The following DVL1 variants were observed in gnomAD, a reference collection of about 807,000 sequenced individuals.
The protein encoded by DVL1 is dishevelled segment polarity protein 1, also known as segment polarity protein dishevelled homolog DVL-1.
In DVL1, 49 loss-of-function variants were observed where a neutral mutation model predicts 65.0. The ratio of observed to expected loss-of-function variants is 0.75; its 90% CI spans 0.60 to 0.96. The LOEUF (loss-of-function observed/expected upper bound fraction) is 0.96. DVL1 is among the 40% of genes least tolerant of loss of function. The pLI is 0.00. For synonymous variants in DVL1, 608 were observed against 433.9 expected (o/e 1.40, Z -4.99); for missense variants, 1,197 against 1,045.4 (o/e 1.15, Z -2.00).
rs1643977156 is a variant in DVL1, at chr1:1,349,186, C to G, written c.-121G>C. ...CGCACCGCTCTCGGCCCCGACGCTC[C>G]GAGGCCCCCGGGCGCCCCCGCCCGA... On this transcript the variant is annotated 5_prime_UTR_variant, in exon 1 of 15. Coordinates refer to ENST00000378888, the MANE Select transcript of DVL1 (RefSeq NM_001330311.2). This position sits in a 1 kb window ranked among gnomAD's most constrained non-coding sequence, Gnocchi z 4.1. The G allele has an allele frequency of 6.8e-6, 4 of 585,164 alleles. No homozygotes were observed. The highest frequency in any genetic ancestry group is 7.1e-5 in the South Asian group (1 of 13,996). 36.2% of individuals were successfully genotyped at this position (585,164 alleles called of 1,614,324 possible).
intron 1 of DVL1, among the ~76,000 whole-genome samples, chr1:1,347,858 T>C (rs1643941712): frequency 6.6e-6 from 1 of 152,060 alleles, no homozygotes; most frequent in African/African-American, 2.4e-5. Flanking sequence ...CTTTGCCTGG[T>C]CGTGGGGGTG....
chr1:1,340,499 T>G lies in DVL1; in HGVS notation c.610A>C (p.Ser204Arg). ...GAGGTGCTCTGCTCCGTGGAGCTGC[T>G]GAGCCTGGGAACAGACTGTCAGAGC... is the stretch of plus-strand genomic sequence containing the variant. ...SDEDGSTSRL[S>R]SSTEQSTSSR... is the part of the protein sequence containing the mutation. Residue 204 changes from serine (S) to arginine (R), a missense_variant, in exon 6 of 15, where the codon AGC becomes CGC. By Grantham distance (110) the Ser-to-Arg change is moderately radical. Transcript: ENST00000378888. The G allele has an allele frequency of 1.2e-6, 2 of 1,602,746 alleles. No homozygotes were observed. The highest frequency in any genetic ancestry group is 2.2e-5 in the South Asian group (2 of 89,318).
rs1381506950 is a variant in DVL1 at position 1,337,173 on chromosome 1, C to T, written c.1715-658G>A. 1.1e-5 allele frequency: 9 copies of T among 850,316 alleles called. No homozygotes were observed. In the South Asian group the frequency reaches 2.1e-4, roughly 20 times the overall value. 52.7% of individuals were successfully genotyped at this position (850,316 alleles called of 1,614,324 possible). A position where few individuals can be genotyped will look rare whatever the true frequency, so the allele number is the denominator to read the frequency against. ...GCGGGCTGGGCGGGGCTGAAGTGGG[C>T]GCAAGCGCCGGTCGAGGGTCAGTAG... On this transcript the variant is annotated intron_variant, in intron 14 of 14. Coordinates refer to ENST00000378888, the MANE Select transcript of DVL1 (RefSeq NM_001330311.2).
Position 1,338,102 on chromosome 1 carries a change from G to C in DVL1, c.1589C>G (p.Ala530Gly), listed in dbSNP as rs1179809614. The change falls in exon 14 of 15, where the codon GCC (alanine) becomes GGC (glycine). Residue 530 changes from alanine (A) to glycine (G), a missense_variant. Transcript: ENST00000378888. ...DTLAPLPHPA[A>G]PWPLGQGYPY... is the part of the protein sequence containing the mutation. ...GTAGCCCTGACCCAGAGGCCAGGGGGCAGCCGGGTGGGGCAGCGGGGCCAG... is the reference window on the plus strand; with the variant it reads ...GTAGCCCTGACCCAGAGGCCAGGGGCCAGCCGGGTGGGGCAGCGGGGCCAG... 4 of 1,609,884 alleles carry C rather than the reference G, an allele frequency of 2.5e-6. No homozygotes were observed. The highest frequency in any genetic ancestry group is 3.4e-6 in the Non-Finnish European group (4 of 1,178,826).
chr1:1,345,533 G>A (rs891354284), intron 1 of DVL1, among the ~76,000 whole-genome samples: 45 of 152,280 alleles, frequency 3.0e-4, no homozygotes, highest in African/African-American at 8.7e-4. Flanking sequence ...TGAAACTCAC[G>A]GCAGCTGCCA....
chr1:1,347,293 T>C (rs967176026), intron 1 of DVL1, among the ~76,000 whole-genome samples: 1 of 152,136 alleles, frequency 6.6e-6, no homozygotes, highest in Non-Finnish European at 1.5e-5. Context: ...GTCTCTTTCC[T>C]GGCCGCATCC....
rs149806644 is a variant in DVL1 at position 1,341,740 on chromosome 1, C to T, written c.532G>A (p.Ala178Thr). ...AGCTCGCTGCTGAGGGCGGTGGACG[C>T]GCTGTCTGGGGGCAGCCCCACATCC... ...RRDVGLPPDS[A>T]STALSSELES... Residue 178 changes from alanine (A) to threonine (T), a missense_variant, in exon 5 of 15, where the codon GCG becomes ACG. Coordinates refer to ENST00000378888, the MANE Select transcript of DVL1 (RefSeq NM_001330311.2). 355 of 1,610,266 alleles carry T rather than the reference C, an allele frequency of 2.2e-4. No individual in the cohort carries two copies. Among genetic ancestry groups the T allele is most frequent in the African/African-American group, 2.1e-3 (155 of 75,056 alleles).
chr1:1,336,559 G>A, intron 14 of DVL1, 44 bp from the exon 15 acceptor site: 1 of 1,480,872 alleles, frequency 6.8e-7, no homozygotes, highest in Non-Finnish European at 8.9e-7. Flanking sequence ...TCAGCACCAG[G>A]CCCGGCCACG....
rs1483759672 is a variant in DVL1, at chr1:1,340,872, G to A, written c.606-369C>T. On this transcript the variant is annotated intron_variant, in intron 5 of 14. Transcript: ENST00000378888. ...CTGCACACATGCACCCCTGCGCACA[G>A]GCACACATGCACACCCCTGCACACG... Among the ~76,000 whole-genome samples the A allele has an allele frequency of 3.4e-5, 4 of 116,894 alleles. No homozygotes were observed. The Admixed American group carries it at 3.7e-4, about 11-fold the overall frequency. The allele number at this position is 116,894 out of a possible 152,430, so 76.7% of individuals were successfully genotyped here.
chr1:1,340,741 C>T (rs1203751607), intron 5 of DVL1, among the ~76,000 whole-genome samples: 1 of 151,042 alleles, frequency 6.6e-6, no homozygotes, highest in African/African-American at 2.5e-5. Context: ...ACTACTGACA[C>T]ACCTGCACAC....
chr1:1,341,614 G>T (rs1369032791), intron 5 of DVL1, 53 bp downstream of exon 5: 1 of 1,557,210 alleles, frequency 6.4e-7, no homozygotes, highest in East Asian at 2.3e-5. Context: ...ATCATGTACA[G>T]ACATTTGCAA....
At position 1,340,365 on chromosome 1, in the gene DVL1, T is replaced by A. The variant is rs760892391; in HGVS notation, c.699+45A>T. 33 of 1,613,174 alleles carry A rather than the reference T, an allele frequency of 2.0e-5. No individual in the cohort carries two copies. In the South Asian group the frequency reaches 3.2e-4, roughly 16 times the overall value. On this transcript the variant is annotated intron_variant, in intron 6 of 14. Transcript: ENST00000378888. The stretch of plus-strand genomic sequence containing the variant: ...TAAAAGGCACGGGGCTGCCCGACAC[T>A]GACTTCGCCTCCCCAGCCCCGCCCT...
Position 1,336,473 on chromosome 1 carries a change from G to A in DVL1, c.1757C>T (p.Pro586Leu), listed in dbSNP as rs113005319. The part of the protein sequence containing the change: ...SGSTRSSRRA[P>L]GREKERRAAG... Reference sequence around the variant, plus strand: ...CGCCCGACGCTCCTTCTCACGGCCCGGGGCCCGGCGGCTGCTCCGGGTGGA... The same window carrying A: ...CGCCCGACGCTCCTTCTCACGGCCCAGGGCCCGGCGGCTGCTCCGGGTGGA... Residue 586 changes from proline to leucine, a missense_variant, in exon 15 of 15, where the codon CCG (proline) becomes CTG (leucine). Coordinates refer to ENST00000378888, the MANE Select transcript of DVL1 (RefSeq NM_001330311.2). The A allele has an allele frequency of 1.7e-5, 26 of 1,550,944 alleles. No homozygotes were observed. The highest frequency in any genetic ancestry group is 2.3e-5 in the East Asian group (1 of 43,644).
intron 11 of DVL1, 64 bp from the exon 12 acceptor site, chr1:1,338,717 C>A: frequency 6.4e-7 from 1 of 1,564,538 alleles, no homozygotes; most frequent in Non-Finnish European, 8.6e-7. Context: ...CAGGGCCCTG[C>A]ACCCCCAGGG....
rs761987800 is a variant in DVL1, at chr1:1,338,587, G to C, written c.1274C>G (p.Pro425Arg). Residue 425 changes from proline to arginine, a missense_variant, in exon 12 of 15, where the codon CCA becomes CGA. Pro to Arg is a moderately radical substitution (Grantham distance 103, BLOSUM62 -2). Transcript: ENST00000378888. ...GTCGCGGATCTCCAGTCCCGAGTCTGGCAGCTGCATGACCCGGACGACGGC... is the reference window on the plus strand; with the variant it reads ...GTCGCGGATCTCCAGTCCCGAGTCTCGCAGCTGCATGACCCGGACGACGGC... ...MSAVVRVMQL[P>R]DSGLEIRDRM... The C allele has an allele frequency of 1.2e-6, 2 of 1,612,450 alleles. No individual in the cohort carries two copies. Among genetic ancestry groups the C allele is most frequent in the Non-Finnish European group, 1.7e-6 (2 of 1,179,870 alleles).
chr1:1,348,787 G>T, intron 1 of DVL1, 109 bp downstream of exon 1: 2 of 982,694 alleles, frequency 2.0e-6, no homozygotes, highest in Non-Finnish European at 2.6e-6. Flanking sequence ...CGTCGCGGTC[G>T]CAGGTCCCCG....
intron 5 of DVL1, 58 bp from the exon 6 acceptor site, chr1:1,340,561 C>T (rs1643764353): frequency 2.0e-6 from 3 of 1,529,622 alleles, no homozygotes; most frequent in Non-Finnish European, 2.7e-6. Flanking sequence ...GGGGTGGGAA[C>T]CCGCTCCCCC....
chr1:1,342,330 G>A, intron 3 of DVL1, 33 bp downstream of exon 3: 1 of 1,542,042 alleles, frequency 6.5e-7, no homozygotes, highest in South Asian at 1.2e-5. Context: ...ACAGGCTTGG[G>A]GTAGCAGGGC....
intron 1 of DVL1, among the ~76,000 whole-genome samples, chr1:1,347,389 A>T: frequency 6.6e-6 from 1 of 152,180 alleles, no homozygotes; most frequent in East Asian, 1.9e-4. Context: ...CAGCAGGTGC[A>T]GCCACTGCTA....
Sources: gnomAD v4.1 joint callset for allele counts (sites outside exome capture counted in the v4.1 genomes callset) on GRCh38, gnomAD v4.1.1 for gene constraint, Gnocchi (gnomAD v3.1) non-coding constraint, MANE v1.5 for transcripts, NCBI Gene and HGNC (gene_info 2026-07-23, HGNC 2026-07-21) for gene names.